PIP5K1C: variants seen among roughly 807,000 people sequenced by gnomAD.
The protein encoded by PIP5K1C is phosphatidylinositol-4-phosphate 5-kinase type 1 gamma, also known as phosphatidylinositol 4-phosphate 5-kinase type-1 gamma.
In PIP5K1C, 45 loss-of-function variants were observed where a neutral mutation model predicts 80.1. That is an observed-to-expected ratio of 0.56 (90% CI 0.44 to 0.72). The LOEUF is 0.72. PIP5K1C is among the 30% of genes least tolerant of loss of function. The probability of loss-of-function intolerance (pLI) is 0.00; values close to 1 mark genes in which losing one functional copy is unlikely to be tolerated. For missense variants in PIP5K1C, 753 were observed against 954.6 expected, an observed-to-expected ratio of 0.79 and a Z score of 2.78; for synonymous variants, 498 against 420.1, an observed-to-expected ratio of 1.19 and a Z score of -2.27.
chr19:3,696,329 G>A lies in PIP5K1C; in HGVS notation c.94+3968C>T, dbSNP rs2036100177. Among the ~76,000 whole-genome samples the A allele has an allele frequency of 6.6e-6, 1 of 152,260 alleles. No individual in the cohort carries two copies. Among genetic ancestry groups the A allele is most frequent in the Admixed American group, 6.5e-5 (1 of 15,292 alleles). On this transcript the variant is annotated intron_variant, in intron 1 of 17. Transcript: ENST00000335312. The surrounding 1 kb of genome is among the most constrained non-coding windows in gnomAD (Gnocchi z 4.1). ...CTGAGCTCTTCCGGGCGCAGGGGAT[G>A]CCGCAGGAGTGGCACAGACGGTCTT...
At chr19:3,664,693 C>G (rs1311207708) in intron 3 of PIP5K1C, 129 bp downstream of exon 3, 1 of 827,006 alleles carries the variant, frequency 1.2e-6, no homozygotes, top group Non-Finnish European at 2.1e-6. Context: ...CTCCACACAG[C>G]CCACACCTGT....
intron 4 of PIP5K1C, 38 bp from the exon 5 acceptor site, chr19:3,661,121 G>A (rs746197808): frequency 4.6e-5 from 64 of 1,389,170 alleles, no homozygotes; most frequent in Middle Eastern, 3.6e-4. Context: ...GTGAGGGGTG[G>A]TGGGCACCTC....
Position 3,637,881 on chromosome 19 carries a change from C to G in PIP5K1C, c.1920+1003G>C. ...CCAGGCCCCCCGTACCATCCGGAGA[C>G]CAGGACGCGCACAAACCAGTCCCAG... On this transcript the variant is annotated intron_variant, in intron 16 of 17. Coordinates refer to ENST00000335312, the MANE Select transcript of PIP5K1C (RefSeq NM_012398.3). This position sits in a 1 kb window ranked among gnomAD's most constrained non-coding sequence, Gnocchi z 7.0. 6.5e-7 allele frequency: 1 copy of G among 1,535,392 alleles called. No individual in the cohort carries two copies. Among genetic ancestry groups the G allele is most frequent in the South Asian group, 1.2e-5 (1 of 84,062 alleles).
intron 5 of PIP5K1C, among the ~76,000 whole-genome samples, chr19:3,658,566 G>A (rs2034718909): frequency 6.6e-6 from 1 of 152,214 alleles, no homozygotes; most frequent in African/African-American, 2.4e-5. Context: ...CCTGGGGCTG[G>A]CGCCCTCCCT....
intron 1 of PIP5K1C, among the ~76,000 whole-genome samples, chr19:3,672,906 G>A (rs536538435): frequency 1.3e-5 from 2 of 150,798 alleles, no homozygotes; most frequent in East Asian, 4.0e-4. Context: ...GGGGCGGGGG[G>A]AGAGTGGGCA....
Position 3,646,029 on chromosome 19 carries a change from G to C in PIP5K1C, c.1290C>G (p.Phe430Leu). ...TGAACTTGAAAAAGCGCTCGGCATA[G>C]AAGCTGGGGCGGTGGACGGACACCG... ...GDTVSVHRPS[F>L]YAERFFKFMS... The change falls in exon 11 of 18, where the codon TTC (phenylalanine) becomes TTG (leucine). Residue 430 changes from phenylalanine to leucine, a missense_variant. Physicochemically the swap from Phe to Leu is conservative, Grantham distance 22. Around this residue, in one of 6 missense-constraint regions of PIP5K1C, gnomAD observed 114 missense variants for 152.4 expected, o/e 0.75. Transcript: ENST00000335312. 6.2e-7 allele frequency: 1 copy of C among 1,613,220 alleles called. No homozygotes were observed. Among genetic ancestry groups the C allele is most frequent in the Non-Finnish European group, 8.5e-7 (1 of 1,179,874 alleles).
At position 3,662,060 on chromosome 19, in the gene PIP5K1C, C is replaced by G. The variant is rs990534067; in HGVS notation, c.220-59G>C. 3.9e-6 allele frequency: 6 copies of G among 1,529,980 alleles called. No individual in the cohort carries two copies. In the Admixed American group the frequency reaches 1.2e-4, roughly 30 times the overall value. 94.8% of individuals were successfully genotyped at this position (1,529,980 alleles called of 1,614,324 possible). A position where few individuals can be genotyped will look rare whatever the true frequency, so the allele number is the denominator to read the frequency against. On this transcript the variant is annotated intron_variant, in intron 3 of 17. Transcript: ENST00000335312. ...TGCTCCCCACGCTGCCCTGCACCCC[C>G]TGTGTGCACCGGGGGGTGGAGATCG... is the stretch of plus-strand genomic sequence containing the variant.
intron 1 of PIP5K1C, among the ~76,000 whole-genome samples, chr19:3,680,187 C>T (rs1271642035): frequency 3.3e-5 from 5 of 152,192 alleles, no homozygotes; most frequent in Non-Finnish European, 7.4e-5. Flanking sequence ...TCTGTTGGCT[C>T]GTTCATCCGT....
intron 1 of PIP5K1C, among the ~76,000 whole-genome samples, chr19:3,686,091 G>C (rs2035751425): frequency 6.6e-6 from 1 of 152,084 alleles, no homozygotes; most frequent in Non-Finnish European, 1.5e-5. Context: ...GGGCTCAACT[G>C]ATCCTCCTAC....
At chr19:3,656,624 G>C in intron 5 of PIP5K1C, 67 bp from the exon 6 acceptor site, 1 of 1,577,168 alleles carries the variant, frequency 6.3e-7, no homozygotes, top group Admixed American at 1.7e-5. Flanking sequence ...CTGGCTTCCG[G>C]TCTGCCCAAC....
chr19:3,656,555 G>A lies in PIP5K1C; in HGVS notation c.471C>T (p.Tyr157=), dbSNP rs775033614. ...CGATCAGCGGCTCATTGCACAGGGA[G>A]TACTGGAAGCAGAGGAGGCGGGTCA... ...LFGIRPDDYL[Y]SLCNEPLIEL... Residue 157 remains tyrosine (Y), a splice_region_variant and synonymous_variant, in exon 6 of 18, where the codon TAC becomes TAT. Transcript: ENST00000335312. 2 of 1,613,560 alleles carry A rather than the reference G, an allele frequency of 1.2e-6. No homozygotes were observed. Among genetic ancestry groups the A allele is most frequent in the Admixed American group, 3.3e-5 (2 of 60,030 alleles).
Position 3,641,825 on chromosome 19 carries a change from G to T in PIP5K1C, c.1683-16C>A. 6.2e-7 allele frequency: 1 copy of T among 1,603,336 alleles called. No homozygotes were observed. The highest frequency in any genetic ancestry group is 8.5e-7 in the Non-Finnish European group (1 of 1,173,846). ...CTCCTGCGGCCTGCAGGCAATGGGAGGTTGTGCCTCGGTTTCCCTCCTCAC... is the reference window on the plus strand; with the variant it reads ...CTCCTGCGGCCTGCAGGCAATGGGATGTTGTGCCTCGGTTTCCCTCCTCAC... On this transcript the variant is annotated splice_polypyrimidine_tract_variant and intron_variant, in intron 14 of 17. Transcript: ENST00000335312.
At chr19:3,693,035 G>A (rs751465957) in intron 1 of PIP5K1C, among the ~76,000 whole-genome samples, 15 of 151,264 alleles carry the variant, frequency 9.9e-5, no homozygotes, top group Admixed American at 3.9e-4. Context: ...GCTCTTCTCC[G>A]TGGCACTTGT....
At chr19:3,667,185 T>C in intron 2 of PIP5K1C, 137 bp downstream of exon 2, 1 of 743,642 alleles carries the variant, frequency 1.3e-6, no homozygotes, top group East Asian at 2.7e-5. Flanking sequence ...ACGTTCATCC[T>C]GCTTGTGGAC....
rs1206402811 is a variant in PIP5K1C, at chr19:3,692,651, C to T, written c.94+7646G>A. On this transcript the variant is annotated intron_variant, in intron 1 of 17. Transcript: ENST00000335312. The surrounding 1 kb of genome is among the most constrained non-coding windows in gnomAD (Gnocchi z 5.2). ...GCCCTGGTTCCCCTAGCCCACGTCCCGCCCTCACCCCATCTGTCCTCCCCA... is the reference window on the plus strand; with the variant it reads ...GCCCTGGTTCCCCTAGCCCACGTCCTGCCCTCACCCCATCTGTCCTCCCCA... 2.0e-5 allele frequency among the ~76,000 whole-genome samples: 3 copies of T among 152,052 alleles called. No individual in the cohort carries two copies. The highest frequency in any genetic ancestry group is 6.5e-5 in the Admixed American group (1 of 15,272).
At chr19:3,677,080 C>A (rs1367300913) in intron 1 of PIP5K1C, among the ~76,000 whole-genome samples, 1 of 151,778 alleles carries the variant, frequency 6.6e-6, no homozygotes, top group African/African-American at 2.4e-5. Context: ...CTAGCCTGGG[C>A]AACAGAGCAA....
At chr19:3,651,525 G>A (rs1028316189) in intron 8 of PIP5K1C, among the ~76,000 whole-genome samples, 4 of 152,182 alleles carry the variant, frequency 2.6e-5, no homozygotes, top group African/African-American at 7.2e-5. Flanking sequence ...GAGTGCCACC[G>A]GGAAACGCTA....
chr19:3,674,555 G>A lies in PIP5K1C; in HGVS notation c.95-7202C>T, dbSNP rs558543466. ...CGATTCTCCTGCCTCAGCCTCCCCC[G>A]AGTAGCTGCAGATCTCGGCTCACTA... On this transcript the variant is annotated intron_variant, in intron 1 of 17. Transcript: ENST00000335312. 1.2e-3 allele frequency among the ~76,000 whole-genome samples: 181 copies of A among 151,812 alleles called. 1 individual carries two copies. Among genetic ancestry groups the A allele is most frequent in the African/African-American group, 4.1e-3 (170 of 41,346 alleles).
intron 1 of PIP5K1C, among the ~76,000 whole-genome samples, chr19:3,681,044 T>G (rs2035574128): frequency 6.6e-6 from 1 of 152,146 alleles, no homozygotes; most frequent in South Asian, 2.1e-4. Flanking sequence ...GACCCTGTTT[T>G]AGAGACTGGG....
Sources: gnomAD v4.1 joint callset for allele counts (sites outside exome capture counted in the v4.1 genomes callset) on GRCh38, gnomAD v4.1.1 for gene constraint, gnomAD v4.1.1 regional missense constraint, Gnocchi (gnomAD v3.1) non-coding constraint, MANE v1.5 for transcripts, NCBI Gene and HGNC (gene_info 2026-07-23, HGNC 2026-07-21) for gene names.